The following ABI1 variants were observed in gnomAD, a reference collection of about 807,000 sequenced individuals.
The protein encoded by ABI1 is abl interactor 1.
Under a neutral mutation model 54.6 loss-of-function variants are expected in ABI1, and 14 were observed. The ratio of observed to expected loss-of-function variants is 0.26; its 90% CI spans 0.17 to 0.40. ABI1 has a LOEUF of 0.40. ABI1 is among the 10% of genes least tolerant of loss of function. The pLI is 1.00. For missense variants in ABI1, 443 were observed against 598.3 expected (o/e 0.74, Z 2.71); for synonymous variants, 194 against 209.3 (o/e 0.93, Z 0.63).
At chr10:26,826,241 A>G (rs2048298517) in intron 1 of ABI1, among the ~76,000 whole-genome samples, 1 of 152,248 alleles carries the variant, frequency 6.6e-6, no homozygotes, top group African/African-American at 2.4e-5. Context: ...GTTAGCAGGC[A>G]TGAAAACAAC....
chr10:26,801,561 A>G (rs2046565232), intron 2 of ABI1, among the ~76,000 whole-genome samples: 1 of 152,150 alleles, frequency 6.6e-6, no homozygotes, highest in East Asian at 1.9e-4. Context: ...AAAAAAAGGA[A>G]AAAAGAAAAT....
intron 2 of ABI1, among the ~76,000 whole-genome samples, chr10:26,797,823 G>A (rs776811071): frequency 2.0e-5 from 3 of 152,194 alleles, no homozygotes; most frequent in Non-Finnish European, 2.9e-5. Flanking sequence ...GAGATTCACT[G>A]AGGGGTTTTG....
intron 10 of ABI1, among the ~76,000 whole-genome samples, chr10:26,749,754 A>G (rs1837377088): frequency 6.6e-6 from 1 of 152,204 alleles, no homozygotes; most frequent in African/African-American, 2.4e-5. Context: ...ACAAATCCAA[A>G]CCACGCAATT....
chr10:26,787,603 G>C (rs1418389895), intron 2 of ABI1, among the ~76,000 whole-genome samples: 1 of 152,158 alleles, frequency 6.6e-6, no homozygotes, highest in Non-Finnish European at 1.5e-5. Context: ...AACAGGTTTG[G>C]AACATTTGTA....
rs1004342810 is a variant in ABI1, at chr10:26,747,401, A to ATT, written c.*1168_*1169insAA. On this transcript the variant is annotated 3_prime_UTR_variant, in exon 11 of 11. Transcript: ENST00000376140. Reference sequence around the variant, plus strand: ...TTAGGTAAATCTCTGTTCACTGATTAATACATGACCCACCTTCTTTCCCAA... The same window carrying ATT: ...TTAGGTAAATCTCTGTTCACTGATTATTATACATGACCCACCTTCTTTCCCAA... The ATT allele has an allele frequency of 1.3e-5, 3 of 223,526 alleles. No homozygotes were observed. The highest frequency in any genetic ancestry group is 6.7e-5 in the African/African-American group (3 of 44,878). The allele number at this position is 223,526 out of a possible 1,614,324, so 13.8% of individuals were successfully genotyped here.
rs376157276 is a variant in ABI1, at chr10:26,818,631, C to CAAAAAAAAAAAAA, written c.285+4494_285+4506dup. Among the ~76,000 whole-genome samples, 82 of 72,934 alleles carry CAAAAAAAAAAAAA rather than the reference C, an allele frequency of 1.1e-3. 1 individual carries two copies. Among genetic ancestry groups the CAAAAAAAAAAAAA allele is most frequent in the East Asian group, 2.5e-3 (6 of 2,406 alleles). 47.8% of individuals were successfully genotyped at this position (72,934 alleles called of 152,430 possible). A position where few individuals can be genotyped will look rare whatever the true frequency, so the allele number is the denominator to read the frequency against. On this transcript the variant is annotated intron_variant, in intron 2 of 10. Transcript: ENST00000376140. The stretch of plus-strand genomic sequence containing the variant: ...TGGACAACAAAGCGAGACCCCGTCA[C>CAAAAAAAAAAAAA]AAAAAAAAAAAAAAAAAAGAGCAAA...
intron 2 of ABI1, among the ~76,000 whole-genome samples, chr10:26,796,672 CA>C (rs1336481501): frequency 6.6e-6 from 1 of 152,170 alleles, no homozygotes; most frequent in East Asian, 1.9e-4. Context: ...CATCACTTAA[CA>C]AAAGTAACTA....
chr10:26,837,572 C>T (rs1162867734), intron 1 of ABI1, among the ~76,000 whole-genome samples: 1 of 152,138 alleles, frequency 6.6e-6, no homozygotes, highest in Non-Finnish European at 1.5e-5. Flanking sequence ...GACGGCAATA[C>T]TGTTAACAGT....
chr10:26,787,151 A>G (rs1449900750), intron 2 of ABI1, among the ~76,000 whole-genome samples: 2 of 152,180 alleles, frequency 1.3e-5, no homozygotes, highest in African/African-American at 4.8e-5. Flanking sequence ...ACAGTCTTCT[A>G]ATTGGTCCAC....
At chr10:26,859,154 C>A (rs1169024546) in intron 1 of ABI1, among the ~76,000 whole-genome samples, 1 of 151,580 alleles carries the variant, frequency 6.6e-6, no homozygotes, top group Non-Finnish European at 1.5e-5. Flanking sequence ...TTTCGAAGGG[C>A]TAAATATAAA....
chr10:26,783,105 A>G (rs936850406), intron 2 of ABI1, among the ~76,000 whole-genome samples: 2 of 152,248 alleles, frequency 1.3e-5, no homozygotes, highest in Non-Finnish European at 2.9e-5. Flanking sequence ...TATACATACA[A>G]TAGAATAGTA....
At position 26,747,232 on chromosome 10, in the gene ABI1, C is replaced by CTACTT. The variant is rs1347839590; in HGVS notation, c.*1333_*1337dup. The CTACTT allele has an allele frequency of 8.9e-6, 2 of 225,158 alleles. No homozygotes were observed. The highest frequency in any genetic ancestry group is 2.2e-5 in the African/African-American group (1 of 45,022). 13.9% of individuals were successfully genotyped at this position (225,158 alleles called of 1,614,324 possible). A position where few individuals can be genotyped will look rare whatever the true frequency, so the allele number is the denominator to read the frequency against. ...ACACAGAAACCCACACTTGAGTGCT[C>CTACTT]TACTTTAATATCCTAAGCAATAGAG... On this transcript the variant is annotated 3_prime_UTR_variant, in exon 11 of 11. Transcript: ENST00000376140.
chr10:26,810,057 T>C (rs540141874), intron 2 of ABI1, among the ~76,000 whole-genome samples: 155 of 152,338 alleles, frequency 1.0e-3, no homozygotes, highest in Middle Eastern at 3.4e-3. Flanking sequence ...CCCAGATTTG[T>C]AGCTAGTTGG....
intron 2 of ABI1, among the ~76,000 whole-genome samples, chr10:26,780,110 C>A (rs1488533583): frequency 1.3e-5 from 2 of 152,088 alleles, no homozygotes; most frequent in African/African-American, 4.8e-5. Flanking sequence ...TGCCATTGTG[C>A]AGATCAAGCC....
intron 2 of ABI1, among the ~76,000 whole-genome samples, chr10:26,811,497 T>C (rs914081774): frequency 2.6e-5 from 4 of 152,194 alleles, no homozygotes; most frequent in Non-Finnish European, 5.9e-5. Context: ...CATTTTACTA[T>C]TGGTCCTCAA....
chr10:26,825,697 A>G (rs1415393077), intron 1 of ABI1, among the ~76,000 whole-genome samples: 2 of 152,174 alleles, frequency 1.3e-5, no homozygotes, highest in African/African-American at 4.8e-5. Flanking sequence ...TAATGAGTCA[A>G]TCCTTTCAAG....
At chr10:26,748,928 T>C (rs1360462508) in intron 10 of ABI1, among the ~76,000 whole-genome samples, 183 bp from the exon 11 acceptor site, 1 of 152,226 alleles carries the variant, frequency 6.6e-6, no homozygotes, top group East Asian at 1.9e-4. Flanking sequence ...ATTGGCTTAA[T>C]CTTAGAGCCA....
At chr10:26,851,887 A>C (rs555782501) in intron 1 of ABI1, among the ~76,000 whole-genome samples, 2 of 152,328 alleles carry the variant, frequency 1.3e-5, no homozygotes, top group East Asian at 1.9e-4. Flanking sequence ...AAAAAAATTA[A>C]AATAGTTTGT....
intron 2 of ABI1, among the ~76,000 whole-genome samples, chr10:26,804,173 A>T (rs954382187): frequency 9.9e-5 from 15 of 152,244 alleles, no homozygotes; most frequent in Non-Finnish European, 2.1e-4. Context: ...ACCTGGGGTC[A>T]GGACTTTGAG....
Sources: gnomAD v4.1 joint callset for allele counts (sites outside exome capture counted in the v4.1 genomes callset) on GRCh38, gnomAD v4.1.1 for gene constraint, MANE v1.5 for transcripts, NCBI Gene and HGNC (gene_info 2026-07-23, HGNC 2026-07-21) for gene names.